SIPA1L1: variants seen among roughly 807,000 people sequenced by gnomAD.
SIPA1L1 encodes signal induced proliferation associated 1 like 1, also known as signal-induced proliferation-associated 1-like protein 1.
In SIPA1L1, 26 loss-of-function variants were observed where a neutral mutation model predicts 162.7. That is an observed-to-expected ratio of 0.16 (90% CI 0.12 to 0.22). The LOEUF is 0.22. SIPA1L1 is among the 10% of genes least tolerant of loss of function. The probability of loss-of-function intolerance (pLI) is 1.00; values close to 1 mark genes in which losing one functional copy is unlikely to be tolerated. For missense variants in SIPA1L1, 1,874 were observed against 2,241.0 expected (o/e 0.84, Z 3.31); for synonymous variants, 829 against 837.4 (o/e 0.99, Z 0.17).
At chr14:71,603,914 T>C (rs2037117729) in intron 5 of SIPA1L1, among the ~76,000 whole-genome samples, 1 of 146,434 alleles carries the variant, frequency 6.8e-6, no homozygotes, top group Admixed American at 6.9e-5. Context: ...GAGCAAGATA[T>C]ATATAAATAT....
At chr14:71,391,101 A>ATTTTTTTTTTTTTTTTT (rs1392228924) in intron 2 of SIPA1L1, among the ~76,000 whole-genome samples, 2 of 120,510 alleles carry the variant, frequency 1.7e-5, no homozygotes, top group Non-Finnish European at 1.8e-5. Flanking sequence ...TGTATTCAGT[A>ATTTTTTTTTTTTTTTTT]TCTTTTTTTT....
intron 5 of SIPA1L1, among the ~76,000 whole-genome samples, chr14:71,608,631 T>C (rs1040004052): frequency 1.3e-5 from 2 of 152,144 alleles, no homozygotes; most frequent in Admixed American, 6.5e-5. Flanking sequence ...GCACGGTGGC[T>C]CATGTCTGTA....
intron 5 of SIPA1L1, among the ~76,000 whole-genome samples, chr14:71,602,592 G>C (rs963051909): frequency 1.3e-5 from 2 of 152,224 alleles, no homozygotes; most frequent in African/African-American, 4.8e-5. Flanking sequence ...CTAATGTGTA[G>C]CTTAAATTCA....
intron 9 of SIPA1L1, among the ~76,000 whole-genome samples, chr14:71,659,644 G>A (rs2043340249): frequency 6.6e-6 from 1 of 152,112 alleles, no homozygotes; most frequent in African/African-American, 2.4e-5. Context: ...TCCTTAAAGA[G>A]AGCATAAAGG....
intron 5 of SIPA1L1, among the ~76,000 whole-genome samples, chr14:71,596,056 A>G (rs2035988986): frequency 2.6e-5 from 4 of 152,194 alleles, no homozygotes; most frequent in Admixed American, 6.5e-5. Flanking sequence ...TGCTGAGACT[A>G]TACAGGACTG....
At chr14:71,529,651 G>A (rs1157037786) in intron 4 of SIPA1L1, among the ~76,000 whole-genome samples, 2 of 152,188 alleles carry the variant, frequency 1.3e-5, no homozygotes, top group East Asian at 1.9e-4. Context: ...CATATCATGC[G>A]TTGCATCTAT....
At position 71,708,500 on chromosome 14, in the gene SIPA1L1, T is replaced by C. The variant is rs373556538; in HGVS notation, c.3766-722T>C. On this transcript the variant is annotated intron_variant, in intron 16 of 23. Transcript: ENST00000381232. ...CCACCATGCCTGGCTAATTTTTGTATTTTTTGTAGAAATGGGGTTTTGCTG... is the reference window on the plus strand; with the variant it reads ...CCACCATGCCTGGCTAATTTTTGTACTTTTTGTAGAAATGGGGTTTTGCTG... Among the ~76,000 whole-genome samples the C allele has an allele frequency of 2.8e-4, 42 of 152,236 alleles. No individual in the cohort carries two copies. The South Asian group carries it at 8.5e-3, about 31-fold the overall frequency.
rs373686514 is a variant in SIPA1L1 at position 71,545,699 on chromosome 14, C to T, written c.-303+16329C>T. 1.0e-3 allele frequency among the ~76,000 whole-genome samples: 156 copies of T among 152,132 alleles called. 1 individual carries two copies. The highest frequency in any genetic ancestry group is 3.6e-3 in the African/African-American group (149 of 41,508). On this transcript the variant is annotated intron_variant, in intron 4 of 23. Coordinates refer to ENST00000381232, the MANE Select transcript of SIPA1L1 (RefSeq NM_001386936.1). ...CATTTTTAAACTCCTTTTTCTGGCCCATCGAACTAGCTAGAACTTGCTGTG... is the reference window on the plus strand; with the variant it reads ...CATTTTTAAACTCCTTTTTCTGGCCTATCGAACTAGCTAGAACTTGCTGTG...
intron 2 of SIPA1L1, among the ~76,000 whole-genome samples, chr14:71,480,519 T>G (rs1191435182): frequency 6.7e-6 from 1 of 150,222 alleles, no homozygotes; most frequent in Non-Finnish European, 1.5e-5. Flanking sequence ...CCCAGCATTT[T>G]GGGAGGCCTA....
intron 7 of SIPA1L1, among the ~76,000 whole-genome samples, chr14:71,632,233 G>T (rs1320597437): frequency 6.6e-6 from 1 of 152,128 alleles, no homozygotes; most frequent in Non-Finnish European, 1.5e-5. Flanking sequence ...GGGACCTTGA[G>T]ATCTCTGGAA....
intron 7 of SIPA1L1, among the ~76,000 whole-genome samples, chr14:71,639,396 T>G (rs974149833): frequency 1.3e-5 from 2 of 152,136 alleles, no homozygotes; most frequent in African/African-American, 4.8e-5. Flanking sequence ...GGTGACAGAT[T>G]AAGTCCTGTC....
intron 12 of SIPA1L1, among the ~76,000 whole-genome samples, chr14:71,675,694 C>CT (rs2045085812): frequency 6.6e-6 from 1 of 152,140 alleles, no homozygotes; most frequent in Admixed American, 6.5e-5. Context: ...TCTTTGTCAG[C>CT]TGGGACTTCA....
At chr14:71,340,761 C>G (rs1363268353) in intron 2 of SIPA1L1, among the ~76,000 whole-genome samples, 1 of 152,092 alleles carries the variant, frequency 6.6e-6, no homozygotes, top group East Asian at 1.9e-4. Context: ...CGTGGCGAAA[C>G]CCCATCTCTA....
chr14:71,496,508 G>A (rs543900528), intron 2 of SIPA1L1, among the ~76,000 whole-genome samples: 2 of 152,132 alleles, frequency 1.3e-5, no homozygotes, highest in Non-Finnish European at 2.9e-5. Context: ...TTCTAAATTT[G>A]AGACTTGTTT....
intron 2 of SIPA1L1, among the ~76,000 whole-genome samples, chr14:71,491,761 A>AAAAC (rs2049278586): frequency 1.0e-5 from 1 of 97,878 alleles, no homozygotes; most frequent in Non-Finnish European, 2.0e-5. Flanking sequence ...TTTTATTTCA[A>AAAAC]ACACACACAC....
rs71105772 is a variant in SIPA1L1, at chr14:71,356,567, CAAAA to C, written c.-465+35403_-465+35406del. The stretch of plus-strand genomic sequence containing the variant: ...GCAACATAGCAAGACCTTGTCTCTA[CAAAA>C]AAAAAAAAAAAAAAAAGCACACCTG... On this transcript the variant is annotated intron_variant, in intron 2 of 23. Transcript: ENST00000381232. Among the ~76,000 whole-genome samples the C allele has an allele frequency of 1.1e-3, 44 of 39,162 alleles. 2 individuals are homozygous for C. Among genetic ancestry groups the C allele is most frequent in the African/African-American group, 4.3e-3 (39 of 9,168 alleles). 25.7% of individuals were successfully genotyped at this position (39,162 alleles called of 152,430 possible).
intron 3 of SIPA1L1, among the ~76,000 whole-genome samples, chr14:71,515,745 C>T (rs1164257226): frequency 1.3e-5 from 2 of 152,132 alleles, no homozygotes; most frequent in Non-Finnish European, 2.9e-5. Context: ...TCAAGCCATT[C>T]TCCTGTCTCA....
intron 2 of SIPA1L1, among the ~76,000 whole-genome samples, chr14:71,503,580 A>G (rs1595799684): frequency 6.6e-6 from 1 of 152,200 alleles, no homozygotes; most frequent in African/African-American, 2.4e-5. Context: ...GACGCTGTAA[A>G]TGTTTCACAT....
intron 12 of SIPA1L1, among the ~76,000 whole-genome samples, chr14:71,679,927 A>G (rs187877439): frequency 2.4e-4 from 36 of 152,346 alleles, no homozygotes; most frequent in South Asian, 4.1e-4. Flanking sequence ...ACCCAGATTC[A>G]TAAAGCAAGT....
Sources: allele counts gnomAD v4.1 joint callset (sites outside exome capture counted in the v4.1 genomes callset), GRCh38; gene constraint gnomAD v4.1.1; transcripts MANE v1.5; gene names NCBI Gene and HGNC (gene_info 2026-07-23, HGNC 2026-07-21).